Variants in GRIK4 observed in about 807,000 individuals in gnomAD.
GRIK4 encodes the protein glutamate receptor ionotropic, kainate 4.
GRIK4 carries 40 observed loss-of-function variants against 104.9 expected under a neutral mutation model. The observed-to-expected ratio is 0.38, with a 90% confidence interval of 0.30 to 0.50. The LOEUF is 0.50. Among genes scored for constraint, GRIK4 ranks in the 20% least tolerant of loss-of-function variants. The pLI is 0.93. For missense variants in GRIK4, 1,047 were observed against 1,308.1 expected (o/e 0.80, Z 3.08); for synonymous variants, 485 against 524.9 (o/e 0.92, Z 1.04).
At chr11:120,883,112 C>T (rs1955013148) in intron 11 of GRIK4, among the ~76,000 whole-genome samples, 1 of 152,118 alleles carries the variant, frequency 6.6e-6, no homozygotes, top group Non-Finnish European at 1.5e-5. Flanking sequence ...GAGAGTGGTG[C>T]TCAGTGCAGG....
intron 20 of GRIK4, among the ~76,000 whole-genome samples, chr11:120,985,259 C>T (rs1421075574): frequency 6.6e-6 from 1 of 152,104 alleles, no homozygotes; most frequent in Admixed American, 6.5e-5. Context: ...TTATCTCACA[C>T]GGTGTGAGAT....
chr11:120,698,834 G>A (rs1022794350), intron 3 of GRIK4, among the ~76,000 whole-genome samples: 2 of 152,202 alleles, frequency 1.3e-5, no homozygotes, highest in Non-Finnish European at 2.9e-5. Flanking sequence ...TAGGAGCCCA[G>A]TTACCCCCAC....
chr11:120,967,776 G>A lies in GRIK4; in HGVS notation c.2395+453G>A, dbSNP rs1039419071. Among the ~76,000 whole-genome samples the A allele has an allele frequency of 2.0e-5, 3 of 151,904 alleles. No homozygotes were observed. The highest frequency in any genetic ancestry group is 2.9e-5 in the Non-Finnish European group (2 of 67,988). Reference sequence around the variant, plus strand: ...TCCCAATGGTTTCCCATCCCACTGGGAATAAAATTCAGGACCCTGTGTGAT... The same window carrying A: ...TCCCAATGGTTTCCCATCCCACTGGAAATAAAATTCAGGACCCTGTGTGAT... On this transcript the variant is annotated intron_variant, in intron 19 of 20. Coordinates refer to ENST00000527524, the MANE Select transcript of GRIK4 (RefSeq NM_014619.5). This position sits in a 1 kb window ranked among gnomAD's most constrained non-coding sequence, Gnocchi z 4.2.
In GRIK4 at chr11:120,785,497, T is replaced by A. The variant is rs1201839838; in HGVS notation, c.83-17196T>A. 3.3e-5 allele frequency among the ~76,000 whole-genome samples: 5 copies of A among 152,346 alleles called. No homozygotes were observed. The East Asian group carries it at 9.6e-4, about 29-fold the overall frequency. The stretch of plus-strand genomic sequence containing the variant: ...TAACTGCAGATAGAATTGTCGGTGA[T>A]GCCAGGGACTTTACTCATACATTTT... On this transcript the variant is annotated intron_variant, in intron 3 of 20. Coordinates refer to ENST00000527524, the MANE Select transcript of GRIK4 (RefSeq NM_014619.5).
At chr11:120,966,274 A>G (rs1164421851) in intron 18 of GRIK4, among the ~76,000 whole-genome samples, 1 of 151,992 alleles carries the variant, frequency 6.6e-6, no homozygotes, top group Non-Finnish European at 1.5e-5. Flanking sequence ...TGATTCTCAC[A>G]CTCTGGGGTG....
chr11:120,697,026 T>C (rs1051248279), intron 3 of GRIK4, among the ~76,000 whole-genome samples: 3 of 152,188 alleles, frequency 2.0e-5, no homozygotes, highest in South Asian at 2.1e-4. Flanking sequence ...TGTTTCTTCT[T>C]ATGAATGGAT....
intron 3 of GRIK4, among the ~76,000 whole-genome samples, chr11:120,712,813 A>G (rs1277183831): frequency 6.6e-6 from 1 of 152,126 alleles, no homozygotes; most frequent in Non-Finnish European, 1.5e-5. Context: ...ATACACTTGA[A>G]GTTAGCAACC....
At chr11:120,681,851 A>G (rs1304768967) in intron 3 of GRIK4, among the ~76,000 whole-genome samples, 1 of 152,244 alleles carries the variant, frequency 6.6e-6, no homozygotes, top group Non-Finnish European at 1.5e-5. Flanking sequence ...GTCCCCCTTG[A>G]CAGCAGGGGC....
In GRIK4 at chr11:120,560,059, T is replaced by C. The variant is rs564684312; in HGVS notation, c.-159+48172T>C. Among the ~76,000 whole-genome samples the C allele has an allele frequency of 3.4e-5, 5 of 148,090 alleles. No homozygotes were observed. The East Asian group carries it at 7.8e-4, about 23-fold the overall frequency. ...ATATATGCCCAGTTTTCCAAGCAGATTTTTTTTTTTGAGACAGTCTCACTC... is the reference window on the plus strand; with the variant it reads ...ATATATGCCCAGTTTTCCAAGCAGACTTTTTTTTTTGAGACAGTCTCACTC... On this transcript the variant is annotated intron_variant, in intron 1 of 20. Transcript: ENST00000527524.
chr11:120,678,558 C>T (rs762317829), intron 3 of GRIK4, among the ~76,000 whole-genome samples: 1 of 151,798 alleles, frequency 6.6e-6, no homozygotes, highest in Non-Finnish European at 1.5e-5. Context: ...GGGAAGGGGC[C>T]AAAATAGAGG....
At chr11:120,820,167 G>A (rs564071717) in intron 6 of GRIK4, among the ~76,000 whole-genome samples, 1 of 152,040 alleles carries the variant, frequency 6.6e-6, no homozygotes, top group South Asian at 2.1e-4. Context: ...TGGGGAGGGA[G>A]TCCATCCAGG....
intron 3 of GRIK4, among the ~76,000 whole-genome samples, chr11:120,798,503 A>G (rs1261834192): frequency 6.6e-6 from 1 of 151,316 alleles, no homozygotes; most frequent in Admixed American, 6.6e-5. Context: ...TTTTGAGACA[A>G]TCTCACTCTG....
At chr11:120,582,544 C>T (rs1390362450) in intron 1 of GRIK4, among the ~76,000 whole-genome samples, 1 of 152,098 alleles carries the variant, frequency 6.6e-6, no homozygotes, top group African/African-American at 2.4e-5. Context: ...TAGGTTGGTG[C>T]AAAAGTAATT....
intron 1 of GRIK4, among the ~76,000 whole-genome samples, chr11:120,593,720 ACTT>A (rs934538491): frequency 6.6e-6 from 1 of 152,004 alleles, no homozygotes; most frequent in African/African-American, 2.4e-5. Context: ...CTATCTATCT[ACTT>A]GACTTTTTCA....
At chr11:120,838,738 G>GT (rs956441686) in intron 8 of GRIK4, among the ~76,000 whole-genome samples, 8 of 151,906 alleles carry the variant, frequency 5.3e-5, no homozygotes, top group Non-Finnish European at 1.0e-4. Context: ...TGCAGTTGGT[G>GT]TTTTTTTTGT....
At position 120,524,800 on chromosome 11, in the gene GRIK4, C is replaced by T. The variant is rs115863838; in HGVS notation, c.-159+12913C>T. ...CATCCTGGGGGCATTTATCATCACG[C>T]GGAGCTAGTTACGTGGCAGGGCACT... On this transcript the variant is annotated intron_variant, in intron 1 of 20. Transcript: ENST00000527524. The surrounding 1 kb of genome is among the most constrained non-coding windows in gnomAD (Gnocchi z 4.5). Among the ~76,000 whole-genome samples the T allele has an allele frequency of 0.013, 1,938 of 152,254 alleles. 36 individuals carry two copies. Among genetic ancestry groups the T allele is most frequent in the African/African-American group, 0.043 (1,772 of 41,522 alleles).
intron 19 of GRIK4, among the ~76,000 whole-genome samples, chr11:120,974,112 TG>T (rs1300593897): frequency 1.3e-5 from 2 of 152,092 alleles, no homozygotes; most frequent in Admixed American, 6.5e-5. Flanking sequence ...ATCACCATGT[TG>T]GCCAGGCTGG....
At chr11:120,660,528 C>T in intron 3 of GRIK4, 128 bp downstream of exon 3, 1 of 672,472 alleles carries the variant, frequency 1.5e-6, no homozygotes, top group South Asian at 1.8e-5. Context: ...CTGAGTGTGG[C>T]TGGGGTGAAC....
At chr11:120,626,473 G>T (rs1407645809) in intron 1 of GRIK4, among the ~76,000 whole-genome samples, 2 of 152,276 alleles carry the variant, frequency 1.3e-5, no homozygotes, top group African/African-American at 4.8e-5. Flanking sequence ...ATGTGTGTGG[G>T]GAGGTGAACT....
Sources: gnomAD v4.1 joint callset for allele counts (sites outside exome capture counted in the v4.1 genomes callset) on GRCh38, gnomAD v4.1.1 for gene constraint, Gnocchi (gnomAD v3.1) non-coding constraint, MANE v1.5 for transcripts, NCBI Gene and HGNC (gene_info 2026-07-23, HGNC 2026-07-21) for gene names.